The following PCDHA6 variants were observed in gnomAD, a reference collection of about 807,000 sequenced individuals.
The protein encoded by PCDHA6 is protocadherin alpha-6.
PCDHA6 carries 55 observed loss-of-function variants against 60.3 expected under a neutral mutation model. The ratio of observed to expected loss-of-function variants is 0.91; its 90% confidence interval spans 0.73 to 1.14. The LOEUF is 1.14. PCDHA6 is among the 50% of genes most tolerant of loss of function. PCDHA6 has a pLI of 0.00. For synonymous variants in PCDHA6, 652 were observed against 557.9 expected, an observed-to-expected ratio of 1.17 and a Z score of -2.38; for missense variants, 1,327 against 1,256.5, an observed-to-expected ratio of 1.06 and a Z score of -0.85.
chr5:140,841,885 G>C (rs2150324724), intron 1 of PCDHA6: 2 of 1,613,802 alleles, frequency 1.2e-6, no homozygotes, highest in Non-Finnish European at 1.7e-6. Context: ...AGAACGATGA[G>C]AATAAACTGG....
At chr5:140,966,502 G>C in intron 1 of PCDHA6, 1 of 433,894 alleles carries the variant, frequency 2.3e-6, no homozygotes, top group Non-Finnish European at 4.0e-6. Flanking sequence ...GAGCTGTAGC[G>C]GCAGCAGCAG....
At chr5:140,869,497 G>T (rs2051177889) in intron 1 of PCDHA6, 2 of 1,614,084 alleles carry the variant, frequency 1.2e-6, no homozygotes. Flanking sequence ...CAACCCGCCG[G>T]TGTTCTCGCT....
Position 140,829,656 on chromosome 5 carries a change from C to A in PCDHA6, c.1565C>A (p.Pro522Gln), listed in dbSNP as rs2150172140. 1 of 1,612,578 alleles carries A rather than the reference C, an allele frequency of 6.2e-7. No homozygotes were observed. Among genetic ancestry groups the A allele is most frequent in the Admixed American group, 1.7e-5 (1 of 60,016 alleles). Reference sequence around the variant, plus strand: ...AGCGGCAAGGTGTACGCGCTGCAGCCGCTGGACCACGAGGAGCTAGAGCTG... The same window carrying A: ...AGCGGCAAGGTGTACGCGCTGCAGCAGCTGGACCACGAGGAGCTAGAGCTG... Reference protein sequence around the residue: ...AESGKVYALQPLDHEELELLQ... With the variant: ...AESGKVYALQQLDHEELELLQ... The change falls in exon 1 of 4, where the codon CCG (proline) becomes CAG (glutamine). Residue 522 changes from proline to glutamine, a missense_variant. By Grantham distance (76) the Pro-to-Gln change is moderately conservative (BLOSUM62 -1). Transcript: ENST00000529310.
intron 1 of PCDHA6, chr5:140,841,437 C>A (rs2150315470): frequency 1.2e-6 from 2 of 1,612,838 alleles, no homozygotes; most frequent in Non-Finnish European, 1.7e-6. Context: ...CCCGAGGAGG[C>A]CAAACACGGC....
intron 1 of PCDHA6, chr5:140,848,514 G>A (rs1356493144): frequency 6.3e-7 from 1 of 1,590,674 alleles, no homozygotes; most frequent in Non-Finnish European, 8.6e-7. Context: ...CTCAAGTCGA[G>A]GAGATCCAGA....
At chr5:140,857,792 C>A (rs368399538) in intron 1 of PCDHA6, 3 of 1,597,430 alleles carry the variant, frequency 1.9e-6, no homozygotes, top group Non-Finnish European at 1.7e-6. Flanking sequence ...GCTGGTGCTG[C>A]GGTCGGTGGT....
At chr5:140,950,065 G>A (rs1403260430) in intron 1 of PCDHA6, among the ~76,000 whole-genome samples, 1 of 151,574 alleles carries the variant, frequency 6.6e-6, no homozygotes, top group Non-Finnish European at 1.5e-5. Context: ...AGCTCTTCCT[G>A]TGCCATTGCT....
At chr5:140,988,424 G>C (rs1563549055) in intron 3 of PCDHA6, among the ~76,000 whole-genome samples, 1 of 152,158 alleles carries the variant, frequency 6.6e-6, no homozygotes, top group Non-Finnish European at 1.5e-5. Context: ...TAAAGAATTT[G>C]TTTGTTTTGG....
At chr5:140,991,472 C>G (rs1480480128) in intron 3 of PCDHA6, among the ~76,000 whole-genome samples, 1 of 152,172 alleles carries the variant, frequency 6.6e-6, no homozygotes, top group African/African-American at 2.4e-5. Context: ...TCTTACAGTT[C>G]TGGAAGTCAG....
rs2150161995 is a variant in PCDHA6 at position 140,829,027 on chromosome 5, A to G, written c.936A>G (p.Gln312=). ...TTCGGGGTAATTTGGATTTTGAACA[A>G]GAAAACTTATACAAAATCCTCATTG... ...IVIRGNLDFE[Q]ENLYKILIDA... is the part of the protein sequence containing the mutation. The change falls in exon 1 of 4, where the codon CAA becomes CAG. Residue 312 remains glutamine, a synonymous_variant. Transcript: ENST00000529310. The G allele has an allele frequency of 2.5e-6, 4 of 1,613,610 alleles. No homozygotes were observed. The South Asian group carries it at 4.4e-5, about 18-fold the overall frequency.
chr5:140,967,210 C>A, intron 1 of PCDHA6: 1 of 1,613,674 alleles, frequency 6.2e-7, no homozygotes, highest in Non-Finnish European at 8.5e-7. Flanking sequence ...CACCGCGTTT[C>A]CCGCGGCCCA....
chr5:140,877,668 C>A (rs782433528), intron 1 of PCDHA6: 58 of 1,613,452 alleles, frequency 3.6e-5, no homozygotes, highest in Admixed American at 5.0e-5. Flanking sequence ...TGAGCCGGTG[C>A]GCGCCGGGCA....
chr5:140,836,113 TGA>T, intron 1 of PCDHA6: 1 of 1,613,528 alleles, frequency 6.2e-7, no homozygotes, highest in Non-Finnish European at 8.5e-7. Flanking sequence ...GGTGGCGCAG[TGA>T]GAGAGCTTGT....
At chr5:140,964,199 A>C (rs1183847716) in intron 1 of PCDHA6, among the ~76,000 whole-genome samples, 1 of 152,240 alleles carries the variant, frequency 6.6e-6, no homozygotes, top group Admixed American at 6.5e-5. Context: ...AGAGTATACC[A>C]TCTCTTTAGT....
chr5:140,982,482 C>T lies in PCDHA6; in HGVS notation c.2461C>T (p.His821Tyr), dbSNP rs782273708. 1.9e-6 allele frequency: 3 copies of T among 1,614,054 alleles called. No individual in the cohort carries two copies. Among genetic ancestry groups the T allele is most frequent in the East Asian group, 4.5e-5 (2 of 44,894 alleles). The change falls in exon 3 of 4, where the codon CAC (histidine) becomes TAC (tyrosine). Residue 821 changes from histidine to tyrosine, a missense_variant. Physicochemically the swap from His to Tyr is moderately conservative, Grantham distance 83. Transcript: ENST00000529310. ...SLRAGMHSSV[H>Y]LEEAGILRAG... ...GTCTGTGTGTTTATTCAGCTCTGTGCACCTAGAGGAGGCTGGCATTCTACG... is the reference window on the plus strand; with the variant it reads ...GTCTGTGTGTTTATTCAGCTCTGTGTACCTAGAGGAGGCTGGCATTCTACG...
chr5:140,828,179 C>T lies in PCDHA6; in HGVS notation c.88C>T (p.Gln30Ter), dbSNP rs1377583653. ...CGCAGCCTGGAAGGTGGGGAGCGGC[C>T]AGCTCCACTACTCCGTACCCGAGGA... ...LLAAWKVGSG[Q>*]LHYSVPEEAK... The change falls in exon 1 of 4, where the codon CAG (glutamine) becomes TAG (stop). Residue 30 changes from glutamine to a stop codon, truncating the protein, a stop_gained. Transcript: ENST00000529310. LOFTEE classifies it high-confidence loss of function. 7 of 1,614,050 alleles carry T rather than the reference C, an allele frequency of 4.3e-6. No individual in the cohort carries two copies. Among genetic ancestry groups the T allele is most frequent in the Non-Finnish European group, 5.1e-6 (6 of 1,180,048 alleles).
rs1214693088 is a variant in PCDHA6, at chr5:140,904,196, C to T, written c.2394+73711C>T. Among the ~76,000 whole-genome samples the T allele has an allele frequency of 1.1e-4, 17 of 152,034 alleles. No homozygotes were observed. In the East Asian group the frequency reaches 3.3e-3, roughly 29 times the overall value. On this transcript the variant is annotated intron_variant, in intron 1 of 3. Transcript: ENST00000529310. ...TTCCTCACCCCCTTCCCACCCTTTC[C>T]CCCTAAGTCCCCAAAGTCCATTGTA... is the stretch of plus-strand genomic sequence containing the variant.
intron 2 of PCDHA6, among the ~76,000 whole-genome samples, chr5:140,979,642 A>G (rs1364696351): frequency 2.0e-5 from 3 of 152,188 alleles, no homozygotes; most frequent in South Asian, 2.1e-4. Flanking sequence ...ATTAAATATA[A>G]TTTTGCTTTC....
At chr5:140,869,953 A>G (rs781865487) in intron 1 of PCDHA6, 10 of 1,612,868 alleles carry the variant, frequency 6.2e-6, no homozygotes, top group Middle Eastern at 3.3e-4. Context: ...CTTAATGTCA[A>G]TTAAGCCCAA....
Sources: gnomAD v4.1 joint callset for allele counts (sites outside exome capture counted in the v4.1 genomes callset) on GRCh38, gnomAD v4.1.1 for gene constraint, MANE v1.5 for transcripts, NCBI Gene and HGNC (gene_info 2026-07-23, HGNC 2026-07-21) for gene names.